The following GLS2 variants were observed in gnomAD, a reference collection of about 807,000 sequenced individuals.
GLS2 encodes the protein glutaminase liver isoform, mitochondrial.
Under a neutral mutation model 79.0 loss-of-function variants are expected in GLS2, and 52 were observed. The ratio of observed to expected loss-of-function variants is 0.66; its 90% confidence interval spans 0.53 to 0.83. The LOEUF (loss-of-function observed/expected upper bound fraction) is 0.83. Among genes scored for constraint, GLS2 ranks in the 40% least tolerant of loss-of-function variants. GLS2 has a pLI of 0.00. For missense variants in GLS2, 561 were observed against 764.8 expected (o/e 0.73, Z 3.14); for synonymous variants, 238 against 280.8 (o/e 0.85, Z 1.52).
At chr12:56,475,463 A>C (rs1869720693) in intron 9 of GLS2, 161 bp downstream of exon 9, 1 of 743,220 alleles carries the variant, frequency 1.3e-6, no homozygotes, top group African/African-American at 1.8e-5. Context: ...TTACAAGATA[A>C]ACAAATGTTT....
In GLS2 at chr12:56,473,706, A is replaced by G. The variant is rs2136180394; in HGVS notation, c.1225-112T>C. On this transcript the variant is annotated intron_variant, in intron 12 of 17. Coordinates refer to ENST00000311966, the MANE Select transcript of GLS2 (RefSeq NM_013267.4). Reference sequence around the variant, plus strand: ...ACAAATGACTGCATGACCACAATCCACCTCAACCTTTTGGCTTGTTAATTA... The same window carrying G: ...ACAAATGACTGCATGACCACAATCCGCCTCAACCTTTTGGCTTGTTAATTA... The G allele has an allele frequency of 1.2e-5, 16 of 1,335,342 alleles. No individual in the cohort carries two copies. In the South Asian group the frequency reaches 2.8e-4, roughly 23 times the overall value. The allele number at this position is 1,335,342 out of a possible 1,614,324, so 82.7% of individuals were successfully genotyped here.
In GLS2 at chr12:56,471,632, A is replaced by G. The variant is rs866629383; in HGVS notation, c.1664T>C (p.Ile555Thr). 6.2e-7 allele frequency: 1 copy of G among 1,613,980 alleles called. No homozygotes were observed. The highest frequency in any genetic ancestry group is 1.7e-5 in the Admixed American group (1 of 59,978). ...NPFAKDRWGN[I>T]PLDDAVQFNH... is the part of the protein sequence containing the mutation. Reference sequence around the variant, plus strand: ...GAACTGCACAGCATCATCCAGGGGAATGTTGCCCCACCTGAGAGGAATAAT... The same window carrying G: ...GAACTGCACAGCATCATCCAGGGGAGTGTTGCCCCACCTGAGAGGAATAAT... The change falls in exon 18 of 18, where the codon ATT becomes ACT. Residue 555 changes from isoleucine (I) to threonine (T), a missense_variant. By Grantham distance (89) the Ile-to-Thr change is moderately conservative. Coordinates refer to ENST00000311966, the MANE Select transcript of GLS2 (RefSeq NM_013267.4).
In GLS2 at chr12:56,478,085, C is replaced by T; in HGVS notation, c.626G>A (p.Gly209Asp). 1 of 1,613,884 alleles carries T rather than the reference C, an allele frequency of 6.2e-7. No homozygotes were observed. Among genetic ancestry groups the T allele is most frequent in the Non-Finnish European group, 8.5e-7 (1 of 1,179,844 alleles). ...CAGGCAGAAGGGGATCTTTGTGTGG[C>T]CCACAGAGTGCCTGGAGGCAGACAG... ...CTVDGQRHSV[G>D]HTKIPFCLQS... is the part of the protein sequence containing the mutation. The change falls in exon 6 of 18, where the codon GGC (glycine) becomes GAC (aspartate). Residue 209 changes from glycine to aspartate, a missense_variant. This residue lies in a region of GLS2 where 221 missense variants were observed against 275.6 expected (regional missense o/e 0.80). Coordinates refer to ENST00000311966, the MANE Select transcript of GLS2 (RefSeq NM_013267.4).
chr12:56,482,810 C>T (rs761067380), intron 1 of GLS2, among the ~76,000 whole-genome samples: 30 of 152,148 alleles, frequency 2.0e-4, no homozygotes, highest in African/African-American at 4.8e-4. Flanking sequence ...TTGCCTAGGC[C>T]GATCTCAAAC....
intron 9 of GLS2, 78 bp from the exon 10 acceptor site, chr12:56,475,188 A>G (rs1869697667): frequency 3.1e-6 from 5 of 1,606,820 alleles, no homozygotes; most frequent in Non-Finnish European, 4.2e-6. Flanking sequence ...CCTTCCCTGG[A>G]GAGACAGAAC....
chr12:56,472,947 G>GCGC, intron 14 of GLS2, 196 bp from the exon 15 acceptor site: 2 of 594,054 alleles, frequency 3.4e-6, no homozygotes, highest in Non-Finnish European at 5.8e-6. Context: ...AAGTGTAGTG[G>GCGC]CGCGCGGTCT....
Position 56,479,163 on chromosome 12 carries a change from A to G in GLS2, c.423T>C (p.Ile141=), listed in dbSNP as rs779802475. ...DLFRKCVSSN[I]VLLTQAFRKK... ...TTCGGAATGCCTGGGTCAGGAGCAC[A>G]ATGTTGCTGCTCACACACCTGGATC... The change falls in exon 4 of 18, where the codon ATT becomes ATC. Residue 141 remains isoleucine (I), a synonymous_variant. Transcript: ENST00000311966. 1.5e-5 allele frequency: 24 copies of G among 1,613,706 alleles called. No individual in the cohort carries two copies. The highest frequency in any genetic ancestry group is 1.6e-4 in the Middle Eastern group (1 of 6,080).
rs1323455373 is a variant in GLS2 at position 56,472,118 on chromosome 12, C to T, written c.1588+1G>A. ...TCCTCCCCTCCTTAACCCTTCAGTA[C>T]CTTCAGCTGCAGCAACATGCAGAGC... On this transcript the variant is annotated splice_donor_variant, in intron 16 of 17. Coordinates refer to ENST00000311966, the MANE Select transcript of GLS2 (RefSeq NM_013267.4). LOFTEE classifies it high-confidence loss of function. 6.2e-7 allele frequency: 1 copy of T among 1,614,066 alleles called. No homozygotes were observed. Among genetic ancestry groups the T allele is most frequent in the Middle Eastern group, 1.7e-4 (1 of 6,060 alleles).
intron 1 of GLS2, 115 bp downstream of exon 1, chr12:56,487,822 T>G: frequency 8.2e-7 from 1 of 1,220,882 alleles, no homozygotes; most frequent in Non-Finnish European, 1.1e-6. Context: ...CGAGGGCTAG[T>G]GAGCGAGGAG....
intron 1 of GLS2, 119 bp from the exon 2 acceptor site, chr12:56,480,506 C>T: frequency 1.3e-6 from 1 of 742,004 alleles, no homozygotes; most frequent in Middle Eastern, 3.1e-4. Flanking sequence ...CCTCCTTAAG[C>T]CATCTGATCT....
chr12:56,474,234 T>C, intron 12 of GLS2: 1 of 353,134 alleles, frequency 2.8e-6, no homozygotes, highest in Middle Eastern at 9.6e-4. Context: ...GGATTACAGG[T>C]GCACACCACC....
chr12:56,483,371 GC>G (rs1266017740), intron 1 of GLS2, among the ~76,000 whole-genome samples: 3 of 151,914 alleles, frequency 2.0e-5, no homozygotes, highest in Non-Finnish European at 2.9e-5. Flanking sequence ...GAGCCACCGC[GC>G]CCGGCCCTCA....
At position 56,478,097 on chromosome 12, in the gene GLS2, C is replaced by G; in HGVS notation, c.615-1G>C. On this transcript the variant is annotated splice_acceptor_variant, in intron 5 of 17. Coordinates refer to ENST00000311966, the MANE Select transcript of GLS2 (RefSeq NM_013267.4). LOFTEE classifies it high-confidence loss of function. ...GATCTTTGTGTGGCCCACAGAGTGC[C>G]TGGAGGCAGACAGATGCCATGAAAG... 1 of 1,614,032 alleles carries G rather than the reference C, an allele frequency of 6.2e-7. No individual in the cohort carries two copies. The highest frequency in any genetic ancestry group is 8.5e-7 in the Non-Finnish European group (1 of 1,179,926).
chr12:56,479,880 G>T lies in GLS2; in HGVS notation c.304C>A (p.Gln102Lys), dbSNP rs1446486602. 1.2e-6 allele frequency: 2 copies of T among 1,613,180 alleles called. No homozygotes were observed. The change falls in exon 3 of 18, where the codon CAG (glutamine) becomes AAG (lysine). Residue 102 changes from glutamine to lysine, a missense_variant. Physicochemically the swap from Gln to Lys is moderately conservative, Grantham distance 53. Coordinates refer to ENST00000311966, the MANE Select transcript of GLS2 (RefSeq NM_013267.4). ...TCTCGGAGCCGAGGATCTGATGTCT[G>T]CAGTCCAGTGGCCTTTAGTGCCTTT... Reference protein sequence around the residue: ...FTTALKATGLQTSDPRLRDCM... With the variant: ...FTTALKATGLKTSDPRLRDCM...
chr12:56,481,119 C>T (rs1003929920), intron 1 of GLS2, among the ~76,000 whole-genome samples: 3 of 149,766 alleles, frequency 2.0e-5, no homozygotes, highest in East Asian at 4.0e-4. Context: ...ACTCTCTTGA[C>T]TTTCAATCCA....
intron 12 of GLS2, 108 bp from the exon 13 acceptor site, chr12:56,473,702 A>G: frequency 5.9e-6 from 8 of 1,363,860 alleles, no homozygotes; most frequent in Non-Finnish European, 7.8e-6. Context: ...CATGACCACA[A>G]TCCACCTCAA....
chr12:56,481,404 C>G (rs1870286241), intron 1 of GLS2, among the ~76,000 whole-genome samples: 1 of 149,492 alleles, frequency 6.7e-6, no homozygotes, highest in East Asian at 2.1e-4. Context: ...GACGGGGTTT[C>G]ACCATTTCGG....
At chr12:56,479,617 T>C in intron 3 of GLS2, 163 bp downstream of exon 3, 1 of 801,056 alleles carries the variant, frequency 1.2e-6, no homozygotes, top group Non-Finnish European at 1.8e-6. Flanking sequence ...ATTTCTATAT[T>C]GTTTGAACTC....
At chr12:56,481,167 C>T (rs143007007) in intron 1 of GLS2, among the ~76,000 whole-genome samples, 131 of 150,354 alleles carry the variant, frequency 8.7e-4, no homozygotes, top group African/African-American at 3.0e-3. Context: ...GCTCTTGTTG[C>T]CTCAATCCAC....
Sources: allele counts gnomAD v4.1 joint callset (sites outside exome capture counted in the v4.1 genomes callset), GRCh38; gene constraint gnomAD v4.1.1; regional missense constraint gnomAD v4.1.1; transcripts MANE v1.5; gene names NCBI Gene and HGNC (gene_info 2026-07-23, HGNC 2026-07-21).